Variants in SLC9A3 observed in about 807,000 individuals in gnomAD.
The protein encoded by SLC9A3 is solute carrier family 9 member A3.
Under a neutral mutation model 86.8 loss-of-function variants are expected in SLC9A3, and 37 were observed. The observed-to-expected ratio is 0.43, with a 90% CI of 0.33 to 0.56. The LOEUF is 0.56. Among genes scored for constraint, SLC9A3 ranks in the 20% least tolerant of loss-of-function variants. The pLI is 0.06. For missense variants in SLC9A3, 1,011 were observed against 1,171.9 expected (o/e 0.86, Z 2.00); for synonymous variants, 581 against 528.3 (o/e 1.10, Z -1.37).
At chr5:485,326 G>A in intron 3 of SLC9A3, 95 bp from the exon 4 acceptor site, 1 of 981,024 alleles carries the variant, frequency 1.0e-6, no homozygotes, top group Non-Finnish European at 1.6e-6. Context: ...CGAGTGTGGA[G>A]CCCATGGCAC....
At chr5:488,143 G>C (rs1029446895) in intron 3 of SLC9A3, among the ~76,000 whole-genome samples, 173 bp downstream of exon 3, 4 of 152,266 alleles carry the variant, frequency 2.6e-5, no homozygotes, top group Non-Finnish European at 4.4e-5. Flanking sequence ...CCTCGCGAAA[G>C]CTGCCAGTCG....
chr5:496,613 A>T lies in SLC9A3; in HGVS notation c.212-4542T>A, dbSNP rs1740031923. ...GTCTTCTGTCATTTTGCTCCATGCGAACGTCTTTTCTTTTTATAGTTAAAT... is the reference window on the plus strand; with the variant it reads ...GTCTTCTGTCATTTTGCTCCATGCGTACGTCTTTTCTTTTTATAGTTAAAT... On this transcript the variant is annotated intron_variant, in intron 1 of 16. Transcript: ENST00000264938. This position sits in a 1 kb window ranked among gnomAD's most constrained non-coding sequence, Gnocchi z 4.7. Among the ~76,000 whole-genome samples the T allele has an allele frequency of 6.6e-6, 1 of 152,200 alleles. No homozygotes were observed. Among genetic ancestry groups the T allele is most frequent in the Non-Finnish European group, 1.5e-5 (1 of 68,032 alleles).
chr5:477,048 G>T, intron 11 of SLC9A3: 1 of 513,528 alleles, frequency 1.9e-6, no homozygotes, highest in Non-Finnish European at 3.5e-6. Context: ...AGTAAGGGTG[G>T]CATGGGGACC....
chr5:474,703 C>A (rs73040783), intron 16 of SLC9A3, among the ~76,000 whole-genome samples, 180 bp downstream of exon 16: 84 of 4,118 alleles, frequency 0.02, 6 homozygotes, highest in Non-Finnish European at 0.032. Flanking sequence ...AGAGAGAGAG[C>A]GAGCCAGGTT....
intron 2 of SLC9A3, among the ~76,000 whole-genome samples, chr5:489,487 T>G (rs1739626516): frequency 6.6e-6 from 1 of 152,146 alleles, no homozygotes; most frequent in Non-Finnish European, 1.5e-5. Flanking sequence ...GCCAGGGGTT[T>G]CTGTGCTGGC....
At chr5:507,068 C>T (rs944638563) in intron 1 of SLC9A3, among the ~76,000 whole-genome samples, 2 of 125,150 alleles carry the variant, frequency 1.6e-5, no homozygotes, top group African/African-American at 5.9e-5. Flanking sequence ...CAGAGTGATA[C>T]TGTCTCAAAA....
At chr5:485,603 C>T (rs995929684) in intron 3 of SLC9A3, among the ~76,000 whole-genome samples, 3 of 152,252 alleles carry the variant, frequency 2.0e-5, no homozygotes, top group East Asian at 1.9e-4. Context: ...TAGCCCCTGC[C>T]GTCTTTGCAT....
Position 478,260 on chromosome 5 carries a change from CCAG to C in SLC9A3, c.1648-819_1648-817del, listed in dbSNP as rs568324958. On this transcript the variant is annotated intron_variant, in intron 10 of 16. Transcript: ENST00000264938. ...TCCGCCTGCTCTTTTGCTTCTAAATCCAGCATCTTCTGTATGACCTTTGTCCCG... is the reference window on the plus strand; with the variant it reads ...TCCGCCTGCTCTTTTGCTTCTAAATCCATCTTCTGTATGACCTTTGTCCCG... 7.9e-5 allele frequency: 12 copies of C among 152,408 alleles called. No individual in the cohort carries two copies. In the East Asian group the frequency reaches 2.3e-3, roughly 29 times the overall value. 9.4% of individuals were successfully genotyped at this position (152,408 alleles called of 1,614,324 possible).
At chr5:509,192 G>A (rs1740763934) in intron 1 of SLC9A3, among the ~76,000 whole-genome samples, 1 of 151,902 alleles carries the variant, frequency 6.6e-6, no homozygotes, top group Non-Finnish European at 1.5e-5. Context: ...CCACACCTGT[G>A]ATCCCACCAC....
At chr5:479,525 GTAACAGCCTGCCTGC>G in intron 10 of SLC9A3, 1 of 344,620 alleles carries the variant, frequency 2.9e-6, no homozygotes. Flanking sequence ...ACCAGGTCCC[GTAACAGCCTGCCTGC>G]TTACCGTCTG....
chr5:492,453 C>CG (rs1739824077), intron 1 of SLC9A3, among the ~76,000 whole-genome samples: 1 of 27,546 alleles, frequency 3.6e-5, no homozygotes, highest in African/African-American at 1.5e-4. Context: ...GCAGAGCCCT[C>CG]GGGGGAGGGG....
At chr5:508,322 C>T (rs1395563511) in intron 1 of SLC9A3, among the ~76,000 whole-genome samples, 3 of 146,026 alleles carry the variant, frequency 2.1e-5, no homozygotes, top group Admixed American at 1.4e-4. Flanking sequence ...CCACAGTCTG[C>T]CGGGGATAGA....
At position 491,968 on chromosome 5, in the gene SLC9A3, G is replaced by A. The variant is rs1185461759; in HGVS notation, c.315C>T (p.Ile105=). The A allele has an allele frequency of 1.4e-5, 22 of 1,607,562 alleles. No homozygotes were observed. The highest frequency in any genetic ancestry group is 2.2e-5 in the South Asian group (2 of 90,244). ...LGGIVWAADH[I]ASFTLTPTVF... is the part of the protein sequence containing the mutation. The stretch of plus-strand genomic sequence containing the variant: ...CGGTGGGCGTCAGTGTGAAGGACGC[G>A]ATGTGGTCGGCCGCCCAGACGATGC... Residue 105 remains isoleucine, a synonymous_variant, in exon 2 of 17, where the codon ATC becomes ATT. Transcript: ENST00000264938. This position sits in a 1 kb window ranked among gnomAD's most constrained non-coding sequence, Gnocchi z 9.2.
Position 476,002 on chromosome 5 carries a change from GC to G in SLC9A3, c.2140+17del, listed in dbSNP as rs763492848. 4 of 1,596,176 alleles carry G rather than the reference GC, an allele frequency of 2.5e-6. No individual in the cohort carries two copies. The highest frequency in any genetic ancestry group is 4.5e-5 in the East Asian group (2 of 44,734). On this transcript the variant is annotated intron_variant, in intron 14 of 16. Coordinates refer to ENST00000264938, the MANE Select transcript of SLC9A3 (RefSeq NM_004174.4). ...GGTGGCTCCCAGTCCCAGCGTTCCT[GC>G]AGGGCCCCCAGCGCACCTTTCTCCT...
intron 10 of SLC9A3, chr5:478,833 T>C: frequency 6.5e-6 from 1 of 154,852 alleles, no homozygotes; most frequent in Middle Eastern, 5.2e-4. Flanking sequence ...GTGTGGAGCC[T>C]GGTCCAGGAG....
intron 1 of SLC9A3, among the ~76,000 whole-genome samples, chr5:500,511 TGGGGCCAGTGTGGAC>T (rs1210964474): frequency 7.0e-6 from 1 of 143,672 alleles, no homozygotes; most frequent in African/African-American, 2.6e-5. Flanking sequence ...CCAGTGTAGA[TGGGGCCAGTGTGGAC>T]GGGGCTGGTG....
intron 1 of SLC9A3, among the ~76,000 whole-genome samples, chr5:512,491 A>G (rs376156016): frequency 1.7e-4 from 25 of 144,978 alleles, no homozygotes; most frequent in Non-Finnish European, 2.5e-4. Flanking sequence ...GAGCCCTAAT[A>G]TAAACTGTGG....
chr5:475,948 C>T (rs1457190951), intron 14 of SLC9A3, 72 bp downstream of exon 14: 2 of 1,343,976 alleles, frequency 1.5e-6, no homozygotes, highest in African/African-American at 2.9e-5. Context: ...GGGGAGGTTC[C>T]CGAGCCGGGA....
Position 481,616 on chromosome 5 carries a change from G to A in SLC9A3, c.1466C>T (p.Ser489Leu), listed in dbSNP as rs761904648. The A allele has an allele frequency of 1.3e-5, 21 of 1,613,872 alleles. No individual in the cohort carries two copies. Among genetic ancestry groups the A allele is most frequent in the African/African-American group, 5.3e-5 (4 of 74,900 alleles). The change falls in exon 9 of 17, where the codon TCG (serine) becomes TTG (leucine). Residue 489 changes from serine to leucine, a missense_variant. This residue lies in a region of SLC9A3 where 565 missense variants were observed against 790.0 expected (regional missense o/e 0.72). Transcript: ENST00000264938. ...LHGRAFDHIL[S>L]AIEDISGQIG... ...CTGTCCGGATATGTCCTCGATGGCC[G>A]AGAGGATGTGGTCGAAAGCCTTTCA...
Sources: gnomAD v4.1 joint callset for allele counts (sites outside exome capture counted in the v4.1 genomes callset) on GRCh38, gnomAD v4.1.1 for gene constraint, gnomAD v4.1.1 regional missense constraint, Gnocchi (gnomAD v3.1) non-coding constraint, MANE v1.5 for transcripts, NCBI Gene and HGNC (gene_info 2026-07-23, HGNC 2026-07-21) for gene names.